Variants in STK31 observed in about 807,000 individuals in gnomAD.
STK31 encodes serine/threonine-protein kinase 31.
A neutral mutation model predicts 129.7 loss-of-function variants in STK31; 89 were observed. That is an observed-to-expected ratio of 0.69 (90% confidence interval 0.58 to 0.82). The LOEUF (loss-of-function observed/expected upper bound fraction) is 0.82, where lower values mean the gene tolerates loss of function less well. Ranked by LOEUF, STK31 falls within the 40% of genes least tolerant of loss-of-function variation. The probability of loss-of-function intolerance (pLI) is 0.00; values close to 1 mark genes in which losing one functional copy is unlikely to be tolerated. For missense variants in STK31, 1,187 were observed against 1,176.4 expected (o/e 1.01, Z -0.13); for synonymous variants, 448 against 395.3 (o/e 1.13, Z -1.58).
At chr7:23,800,174 G>A (rs79130239) in intron 22 of STK31, among the ~76,000 whole-genome samples, 64,147 of 152,004 alleles carry the variant, frequency 0.42, 13,869 homozygotes, top group Admixed American at 0.52. Context: ...AAATAGTGTA[G>A]CGATTCCTCA....
chr7:23,756,687 G>A (rs1789104279), intron 10 of STK31, among the ~76,000 whole-genome samples: 2 of 152,302 alleles, frequency 1.3e-5, no homozygotes, highest in African/African-American at 2.4e-5. Flanking sequence ...TTTACTGAGA[G>A]TTTTTAACAT....
At chr7:23,721,895 G>A (rs1412861246) in intron 4 of STK31, 6 of 394,854 alleles carry the variant, frequency 1.5e-5, no homozygotes, top group East Asian at 6.0e-5. Context: ...CATGCGTCAC[G>A]TAGTTCTCGT....
At chr7:23,790,145 C>T (rs940193616) in intron 21 of STK31, among the ~76,000 whole-genome samples, 2 of 152,076 alleles carry the variant, frequency 1.3e-5, no homozygotes, top group Non-Finnish European at 2.9e-5. Context: ...AAAATCGTAG[C>T]TAGAAAAAAG....
intron 8 of STK31, among the ~76,000 whole-genome samples, chr7:23,750,758 G>T (rs1788663022): frequency 6.6e-6 from 1 of 152,154 alleles, no homozygotes; most frequent in African/African-American, 2.4e-5. Context: ...TTGGTACATA[G>T]TATTTGTATA....
At position 23,769,108 on chromosome 7, in the gene STK31, C is replaced by G; in HGVS notation, c.1530C>G (p.Thr510=). The G allele has an allele frequency of 6.2e-7, 1 of 1,612,816 alleles. No individual in the cohort carries two copies. Among genetic ancestry groups the G allele is most frequent in the Non-Finnish European group, 8.5e-7 (1 of 1,179,280 alleles). Residue 510 remains threonine, a synonymous_variant, in exon 12 of 24, where the codon ACC becomes ACG. Transcript: ENST00000355870. The part of the protein sequence containing the change: ...DWKCDKREEF[T]SVRSETDASL... ...AGTGTGATAAAAGAGAGGAGTTCACCAGTGTTAGAAGTGAAACAGACGCTT... is the reference window on the plus strand; with the variant it reads ...AGTGTGATAAAAGAGAGGAGTTCACGAGTGTTAGAAGTGAAACAGACGCTT...
Position 23,809,982 on chromosome 7 carries a change from G to A in STK31, c.2761-5162G>A, listed in dbSNP as rs563227797. Among the ~76,000 whole-genome samples the A allele has an allele frequency of 5.3e-5, 8 of 152,152 alleles. No individual in the cohort carries two copies. In the South Asian group the frequency reaches 1.4e-3, roughly 28 times the overall value. ...ATGTATTCCTGCTGTTAAACAGCACGACTGTTGTTTTGTCAGTTACTGAGA... is the reference window on the plus strand; with the variant it reads ...ATGTATTCCTGCTGTTAAACAGCACAACTGTTGTTTTGTCAGTTACTGAGA... On this transcript the variant is annotated intron_variant, in intron 22 of 23. Coordinates refer to ENST00000355870, the MANE Select transcript of STK31 (RefSeq NM_031414.5).
chr7:23,763,649 T>A (rs1789618719), intron 11 of STK31, among the ~76,000 whole-genome samples: 1 of 152,184 alleles, frequency 6.6e-6, no homozygotes, highest in Non-Finnish European at 1.5e-5. Context: ...GGAATACTGT[T>A]CATTTTTATG....
chr7:23,765,356 C>T (rs890816638), intron 11 of STK31, among the ~76,000 whole-genome samples: 4 of 151,988 alleles, frequency 2.6e-5, no homozygotes, highest in African/African-American at 9.7e-5. Flanking sequence ...CCTGGCTTCT[C>T]CCTTTATTTT....
At chr7:23,803,007 G>A (rs1332151802) in intron 22 of STK31, among the ~76,000 whole-genome samples, 3 of 151,916 alleles carry the variant, frequency 2.0e-5, no homozygotes, top group Non-Finnish European at 4.4e-5. Flanking sequence ...TGTTATTTTG[G>A]GCTTACAGAT....
At chr7:23,718,385 C>A (rs1584320101) in intron 4 of STK31, among the ~76,000 whole-genome samples, 1 of 152,010 alleles carries the variant, frequency 6.6e-6, no homozygotes, top group Non-Finnish European at 1.5e-5. Context: ...CTCTTAAGAT[C>A]CTAAGTATAT....
At chr7:23,736,238 C>G (rs1787710065) in intron 7 of STK31, among the ~76,000 whole-genome samples, 1 of 152,138 alleles carries the variant, frequency 6.6e-6, no homozygotes, top group South Asian at 2.1e-4. Context: ...TGAAGTTCTT[C>G]CTATGGCTTT....
intron 22 of STK31, among the ~76,000 whole-genome samples, chr7:23,793,701 C>A (rs910344432): frequency 6.6e-6 from 1 of 152,158 alleles, no homozygotes; most frequent in Non-Finnish European, 1.5e-5. Flanking sequence ...CTATACTACT[C>A]ACTATAATGT....
intron 11 of STK31, among the ~76,000 whole-genome samples, chr7:23,766,488 G>A (rs975276118): frequency 6.6e-6 from 1 of 152,044 alleles, no homozygotes; most frequent in Non-Finnish European, 1.5e-5. Context: ...TTCTGACCTC[G>A]AGTGATCCGC....
At chr7:23,740,617 G>A (rs1208382763) in intron 8 of STK31, among the ~76,000 whole-genome samples, 1 of 151,922 alleles carries the variant, frequency 6.6e-6, no homozygotes, top group South Asian at 2.1e-4. Flanking sequence ...TTAGCATTAG[G>A]TATATCTCCT....
At chr7:23,775,892 A>T (rs2128106073) in intron 15 of STK31, among the ~76,000 whole-genome samples, 1 of 152,246 alleles carries the variant, frequency 6.6e-6, no homozygotes, top group South Asian at 2.1e-4. Flanking sequence ...GAGAGTGGGC[A>T]TGCTTGTCCT....
chr7:23,740,431 AT>A (rs1787990288), intron 8 of STK31, among the ~76,000 whole-genome samples: 2 of 152,256 alleles, frequency 1.3e-5, no homozygotes, highest in African/African-American at 4.8e-5. Flanking sequence ...TGACCTAATG[AT>A]TTTTGCAGCC....
intron 11 of STK31, among the ~76,000 whole-genome samples, chr7:23,763,661 A>G (rs956676749): frequency 1.3e-5 from 2 of 151,890 alleles, no homozygotes; most frequent in Non-Finnish European, 1.5e-5. Context: ...ATTTTTATGT[A>G]CTGGTGTTTC....
chr7:23,810,903 T>C (rs947166147), intron 22 of STK31, among the ~76,000 whole-genome samples: 1 of 136,248 alleles, frequency 7.3e-6, no homozygotes, highest in Non-Finnish European at 1.6e-5. Context: ...TATATATAAA[T>C]ATACATAAAA....
intron 10 of STK31, among the ~76,000 whole-genome samples, chr7:23,761,566 G>A (rs1030781167): frequency 6.6e-6 from 1 of 151,316 alleles, no homozygotes; most frequent in Non-Finnish European, 1.5e-5. Context: ...GACTACAGGC[G>A]CCTGCCACTC....
Sources: allele counts gnomAD v4.1 joint callset (sites outside exome capture counted in the v4.1 genomes callset), GRCh38; gene constraint gnomAD v4.1.1; transcripts MANE v1.5; gene names NCBI Gene and HGNC (gene_info 2026-07-23, HGNC 2026-07-21).